Variants in EXOSC10 observed in about 807,000 individuals in gnomAD.
The protein encoded by EXOSC10 is exosome component 10, also known as exosome complex component 10.
Under a neutral mutation model 126.6 loss-of-function variants are expected in EXOSC10, and 94 were observed. That is an observed-to-expected ratio of 0.74 (90% CI 0.63 to 0.88). The LOEUF is 0.88. EXOSC10 is among the 40% of genes least tolerant of loss of function. EXOSC10 has a pLI of 0.00. For missense variants in EXOSC10, 1,041 were observed against 1,100.5 expected (o/e 0.95, Z 0.77); for synonymous variants, 395 against 400.8 (o/e 0.99, Z 0.17).
At chr1:11,073,322 C>T (rs1321237244) in intron 19 of EXOSC10, among the ~76,000 whole-genome samples, 2 of 151,892 alleles carry the variant, frequency 1.3e-5, no homozygotes, top group Admixed American at 6.6e-5. Context: ...TTAGTAGAGA[C>T]GGGGTTTCAC....
intron 10 of EXOSC10, 187 bp downstream of exon 10, chr1:11,082,501 T>TAA: frequency 7.2e-7 from 1 of 1,395,006 alleles, no homozygotes; most frequent in South Asian, 1.5e-5. Flanking sequence ...CAGCCCATCA[T>TAA]AAAGTCCACC....
At chr1:11,070,720 TC>T in intron 21 of EXOSC10, 179 bp downstream of exon 21, 1 of 589,602 alleles carries the variant, frequency 1.7e-6, no homozygotes, top group South Asian at 2.2e-5. Context: ...AATTACAATA[TC>T]AATCTTGTGG....
chr1:11,083,738 T>C (rs1640322203), intron 9 of EXOSC10, among the ~76,000 whole-genome samples: 1 of 152,192 alleles, frequency 6.6e-6, no homozygotes. Flanking sequence ...TAACTCATCA[T>C]CTAGCATTAG....
intron 17 of EXOSC10, among the ~76,000 whole-genome samples, chr1:11,075,336 T>A (rs1164580883): frequency 6.6e-6 from 1 of 152,170 alleles, no homozygotes; most frequent in African/African-American, 2.4e-5. Flanking sequence ...TAGTATTACA[T>A]ATCTTTATAG....
chr1:11,070,779 G>T, intron 21 of EXOSC10, 121 bp downstream of exon 21: 1 of 835,782 alleles, frequency 1.2e-6, no homozygotes, highest in Non-Finnish European at 1.9e-6. Flanking sequence ...AAGGTGAACC[G>T]GAAAGAAGTC....
In EXOSC10 at chr1:11,074,305, TACTGTCTTCAGC is replaced by T. The variant is rs1187912800; in HGVS notation, c.1996_2007del (p.Ala666_Ser669del). 1.9e-6 allele frequency: 3 copies of T among 1,614,034 alleles called. No homozygotes were observed. In the Admixed American group the frequency reaches 5.0e-5, roughly 27 times the overall value. On this transcript the variant is annotated inframe_deletion, in exon 18 of 25. Transcript: ENST00000376936. ...TGTGCAACTGTCAATGGACCCTTTT[TACTGTCTTCAGC>T]ACTAGGTTCCTGCAGGGACAGACAA...
chr1:11,088,083 G>A, intron 7 of EXOSC10, 40 bp downstream of exon 7: 2 of 1,500,618 alleles, frequency 1.3e-6, no homozygotes, highest in East Asian at 2.3e-5. Context: ...TTCCTCTTGG[G>A]CTACTACACG....
Position 11,098,075 on chromosome 1 carries a change from T to C in EXOSC10, c.193A>G (p.Ser65Gly). The C allele has an allele frequency of 6.2e-7, 1 of 1,611,956 alleles. No homozygotes were observed. Among genetic ancestry groups the C allele is most frequent in the Non-Finnish European group, 8.5e-7 (1 of 1,179,364 alleles). The change falls in exon 2 of 25, where the codon AGT (serine) becomes GGT (glycine). Residue 65 changes from serine (S) to glycine (G), a missense_variant. Around this residue, in one of 3 missense-constraint regions of EXOSC10, gnomAD observed 645 missense variants for 656.3 expected, o/e 0.98. Transcript: ENST00000376936. ...CAAAATGCTTGGAAGCCAGGAAAAC[T>C]TCGGTAAAAATCATACTCATCGCCA... ...QFGDEYDFYRSFPGFQAFCET... is the reference protein window; with the variant it reads ...QFGDEYDFYRGFPGFQAFCET...
rs1169649196 is a variant in EXOSC10, at chr1:11,091,607, G to C, written c.373-10C>G. On this transcript the variant is annotated splice_polypyrimidine_tract_variant and intron_variant, in intron 3 of 24. Coordinates refer to ENST00000376936, the MANE Select transcript of EXOSC10 (RefSeq NM_001001998.3). ...CATCCAGTAAAATACCCTAAGAGTA[G>C]AAGAGGTACTGGTTAAGCATTTTTC... 1.2e-6 allele frequency: 2 copies of C among 1,602,716 alleles called. No individual in the cohort carries two copies. The highest frequency in any genetic ancestry group is 1.7e-6 in the Non-Finnish European group (2 of 1,170,028).
chr1:11,098,784 T>G (rs1343905975), intron 1 of EXOSC10, among the ~76,000 whole-genome samples: 1 of 152,264 alleles, frequency 6.6e-6, no homozygotes, highest in Non-Finnish European at 1.5e-5. Context: ...TGGTTCTCTA[T>G]TTTAACTGTT....
chr1:11,090,435 G>A, intron 6 of EXOSC10, 119 bp downstream of exon 6: 1 of 808,848 alleles, frequency 1.2e-6, no homozygotes, highest in South Asian at 1.5e-5. Flanking sequence ...CCCAGGTTGG[G>A]GTGTAAGGAG....
At position 11,080,562 on chromosome 1, in the gene EXOSC10, A is replaced by AG; in HGVS notation, c.1587-14_1587-13insC. 2.0e-6 allele frequency: 3 copies of AG among 1,478,200 alleles called. No homozygotes were observed. Among genetic ancestry groups the AG allele is most frequent in the Non-Finnish European group, 2.7e-6 (3 of 1,115,280 alleles). The allele number at this position is 1,478,200 out of a possible 1,614,324, so 91.6% of individuals were successfully genotyped here. On this transcript the variant is annotated splice_polypyrimidine_tract_variant and intron_variant, in intron 12 of 24. Transcript: ENST00000376936. ...TGGCAGTACATATCTGGAAAAAAAA[A>AG]AACACACACACACACACACACACAC...
intron 8 of EXOSC10, 81 bp downstream of exon 8, chr1:11,087,719 T>A: frequency 6.8e-7 from 1 of 1,463,392 alleles, no homozygotes. Flanking sequence ...AAAATTACAA[T>A]TAGTATTAAT....
chr1:11,074,260 T>A lies in EXOSC10; in HGVS notation c.2053A>T (p.Met685Leu), dbSNP rs775396880. 2 of 1,614,120 alleles carry A rather than the reference T, an allele frequency of 1.2e-6. No individual in the cohort carries two copies. Among genetic ancestry groups the A allele is most frequent in the East Asian group, 2.2e-5 (1 of 44,890 alleles). Residue 685 changes from methionine (M) to leucine (L), a missense_variant, in exon 18 of 25, where the codon ATG becomes TTG. Physicochemically the swap from Met to Leu is conservative, Grantham distance 15. Coordinates refer to ENST00000376936, the MANE Select transcript of EXOSC10 (RefSeq NM_001001998.3). ...TVAQKKAQNI[M>L]ESFENPFRMF... ...CTAAATGGATTTTCAAAGGACTCCA[T>A]GATGTTCTGGGCTTTTTTCTGTGCA... is the stretch of plus-strand genomic sequence containing the variant.
In EXOSC10 at chr1:11,077,057, T is replaced by C; in HGVS notation, c.1880-109A>G. 7.5e-6 allele frequency: 6 copies of C among 800,128 alleles called. No individual in the cohort carries two copies. The South Asian group carries it at 9.3e-5, about 12-fold the overall frequency. 49.6% of individuals were successfully genotyped at this position (800,128 alleles called of 1,614,324 possible). On this transcript the variant is annotated intron_variant, in intron 16 of 24. Coordinates refer to ENST00000376936, the MANE Select transcript of EXOSC10 (RefSeq NM_001001998.3). ...CCTAGGCTGGAGTACAATGGCACAA[T>C]CTCGGCTCACTGCAACCTCCGCCTC...
Position 11,082,811 on chromosome 1 carries a change from A to G in EXOSC10, c.1157T>C (p.Met386Thr), listed in dbSNP as rs1640243549. The change falls in exon 10 of 25, where the codon ATG (methionine) becomes ACG (threonine). Residue 386 changes from methionine (M) to threonine (T), a missense_variant. Coordinates refer to ENST00000376936, the MANE Select transcript of EXOSC10 (RefSeq NM_001001998.3). ...GCGTGCTGCCTGATGAGTATCAAAC[A>G]TGTTTACTACATACAACCCAAAGTC... The part of the protein sequence containing the change: ...QKDFGLYVVN[M>T]FDTHQAARLL... The G allele has an allele frequency of 6.2e-7, 1 of 1,614,114 alleles. No homozygotes were observed. The highest frequency in any genetic ancestry group is 1.3e-5 in the African/African-American group (1 of 74,950).
chr1:11,097,925 A>G, intron 2 of EXOSC10, 95 bp downstream of exon 2: 1 of 1,281,334 alleles, frequency 7.8e-7, no homozygotes, highest in Non-Finnish European at 1.0e-6. Flanking sequence ...TACCACAGAA[A>G]ATGTTTAAGG....
At chr1:11,091,321 T>A (rs1640793032) in intron 4 of EXOSC10, 142 bp from the exon 5 acceptor site, 1 of 983,844 alleles carries the variant, frequency 1.0e-6, no homozygotes, top group Admixed American at 2.6e-5. Flanking sequence ...TGTAGAGGTC[T>A]CCAGAAAGAG....
intron 13 of EXOSC10, 103 bp from the exon 14 acceptor site, chr1:11,079,925 G>T: frequency 1.1e-6 from 1 of 914,300 alleles, no homozygotes; most frequent in Non-Finnish European, 1.7e-6. Context: ...TGCCACCTAA[G>T]CTGAAGCTAC....
Sources: gnomAD v4.1 joint callset for allele counts (sites outside exome capture counted in the v4.1 genomes callset) on GRCh38, gnomAD v4.1.1 for gene constraint, gnomAD v4.1.1 regional missense constraint, MANE v1.5 for transcripts, NCBI Gene and HGNC (gene_info 2026-07-23, HGNC 2026-07-21) for gene names.